LEPR: variants seen among roughly 807,000 people sequenced by gnomAD.
The protein encoded by LEPR is OB receptor.
LEPR carries 56 observed loss-of-function variants against 114.7 expected under a neutral mutation model. That is an observed-to-expected ratio of 0.49 (90% CI 0.39 to 0.61). The LOEUF is 0.61. Among genes scored for constraint, LEPR ranks in the 20% least tolerant of loss-of-function variants. LEPR has a pLI of 0.00. For synonymous variants in LEPR, 443 were observed against 461.4 expected, an observed-to-expected ratio of 0.96 and a Z score of 0.51; for missense variants, 1,202 against 1,352.9, an observed-to-expected ratio of 0.89 and a Z score of 1.75.
intron 14 of LEPR, among the ~76,000 whole-genome samples, chr1:65,612,334 T>G (rs868147332): frequency 1.3e-5 from 2 of 152,358 alleles, no homozygotes; most frequent in Middle Eastern, 3.4e-3. Flanking sequence ...TATGATACAT[T>G]TGTTACAATG....
intron 2 of LEPR, among the ~76,000 whole-genome samples, chr1:65,452,738 C>A (rs1277173230): frequency 1.1e-4 from 17 of 151,526 alleles, no homozygotes; most frequent in Middle Eastern, 3.4e-3. Flanking sequence ...GTCTAAAATT[C>A]TCTTTTTTTG....
At chr1:65,433,109 G>A in intron 2 of LEPR, 1 of 985,364 alleles carries the variant, frequency 1.0e-6, no homozygotes, top group Non-Finnish European at 1.2e-6. Flanking sequence ...AGAACAGATA[G>A]GTAACTCTTT....
rs1268874745 is a variant in LEPR, at chr1:65,633,200, A to C, written c.2674-2991A>C. ...AATCATGATCACTACAGATGAACCC[A>C]ATGTGCCAACTTCCCAACAGTCTAT... On this transcript the variant is annotated intron_variant, in intron 19 of 19. Coordinates refer to ENST00000349533, the MANE Select transcript of LEPR (RefSeq NM_002303.6). This position sits in a 1 kb window ranked among gnomAD's most constrained non-coding sequence, Gnocchi z 4.1. 1 of 1,609,928 alleles carries C rather than the reference A, an allele frequency of 6.2e-7. No homozygotes were observed. Among genetic ancestry groups the C allele is most frequent in the Middle Eastern group, 1.7e-4 (1 of 6,050 alleles).
At position 65,626,880 on chromosome 1, in the gene LEPR, C is replaced by T. The variant is rs574508508; in HGVS notation, c.2673+3899C>T. Among the ~76,000 whole-genome samples the T allele has an allele frequency of 3.3e-5, 5 of 152,206 alleles. No homozygotes were observed. In the South Asian group the frequency reaches 1.0e-3, roughly 32 times the overall value. On this transcript the variant is annotated intron_variant, in intron 19 of 19. Transcript: ENST00000349533. ...GAACTCCCAGGCTCAAGTGATCCAC[C>T]CACCTCAGCCTCCCAAAATGCTGGA...
At chr1:65,451,909 A>G (rs911190131) in intron 2 of LEPR, among the ~76,000 whole-genome samples, 4 of 151,808 alleles carry the variant, frequency 2.6e-5, no homozygotes, top group African/African-American at 9.7e-5. Context: ...CCTACCCATG[A>G]GCATGGAATG....
intron 5 of LEPR, among the ~76,000 whole-genome samples, chr1:65,581,063 A>G (rs988359765): frequency 3.3e-5 from 5 of 152,168 alleles, no homozygotes; most frequent in African/African-American, 1.2e-4. Flanking sequence ...TCCTGCCAGC[A>G]TTCTTGATGA....
chr1:65,461,421 C>G (rs1028175936), intron 2 of LEPR, among the ~76,000 whole-genome samples: 24 of 152,142 alleles, frequency 1.6e-4, no homozygotes, highest in African/African-American at 5.3e-4. Flanking sequence ...AAAAAAATCA[C>G]ACAACGATGG....
At chr1:65,488,695 A>G (rs1647707745) in intron 2 of LEPR, among the ~76,000 whole-genome samples, 1 of 151,922 alleles carries the variant, frequency 6.6e-6, no homozygotes, top group African/African-American at 2.4e-5. Context: ...ACCAAATACT[A>G]GATCTTATTC....
chr1:65,421,395 T>G, intron 1 of LEPR: 1 of 1,536,112 alleles, frequency 6.5e-7, no homozygotes, highest in South Asian at 1.2e-5. Flanking sequence ...ACCGCGTCCC[T>G]TATCTGTATG....
chr1:65,537,813 G>A (rs1455826457), intron 2 of LEPR, among the ~76,000 whole-genome samples: 1 of 152,102 alleles, frequency 6.6e-6, no homozygotes, highest in African/African-American at 2.4e-5. Flanking sequence ...CCTAAAAGTT[G>A]AAAAATTAAT....
intron 2 of LEPR, among the ~76,000 whole-genome samples, chr1:65,533,275 T>A (rs2100629529): frequency 6.6e-6 from 1 of 152,280 alleles, no homozygotes; most frequent in East Asian, 1.9e-4. Context: ...TTCCTTTTCA[T>A]TGTTATAGAC....
At chr1:65,572,835 C>A (rs1654299242) in intron 5 of LEPR, among the ~76,000 whole-genome samples, 1 of 152,220 alleles carries the variant, frequency 6.6e-6, no homozygotes, top group Non-Finnish European at 1.5e-5. Flanking sequence ...CTAGGTCTCT[C>A]ATTAGCAGCT....
At position 65,637,396 on chromosome 1, in the gene LEPR, T is replaced by C. The variant is rs1223948873; in HGVS notation, c.*381T>C. 1.1e-5 allele frequency: 2 copies of C among 179,584 alleles called. No individual in the cohort carries two copies. The highest frequency in any genetic ancestry group is 2.8e-4 in the East Asian group (2 of 7,034). 11.1% of individuals were successfully genotyped at this position (179,584 alleles called of 1,614,324 possible). A position where few individuals can be genotyped will look rare whatever the true frequency, so the allele number is the denominator to read the frequency against. The stretch of plus-strand genomic sequence containing the variant: ...CACACACATTCTTAACACATGTCCT[T>C]GTGTGTTTTGAGAGTATATTATGTA... On this transcript the variant is annotated 3_prime_UTR_variant, in exon 20 of 20. Transcript: ENST00000349533.
Position 65,618,091 on chromosome 1 carries a change from T to C in LEPR, c.2340T>C (p.Asp780=), listed in dbSNP as rs746039214. 6 of 1,611,474 alleles carry C rather than the reference T, an allele frequency of 3.7e-6. No homozygotes were observed. The highest frequency in any genetic ancestry group is 5.1e-6 in the Non-Finnish European group (6 of 1,178,894). The change falls in exon 16 of 20, where the codon GAT becomes GAC. Residue 780 remains aspartate (D), a synonymous_variant. Transcript: ENST00000349533. ...FIIEWKNLNE[D]GEIKWLRISS... is the part of the protein sequence containing the mutation. ...TTGAGTGGAAAAATCTTAATGAAGA[T>C]GGTGAAATAAAATGGCTTAGAATCT...
At position 65,608,809 on chromosome 1, in the gene LEPR, T is replaced by C; in HGVS notation, c.1660T>C (p.Leu554=). ...AGAAATTACTATAAACATTGGATTA[T>C]TGAAAATATCTTGGGAAAAGCCAGT... ...KAEITINIGL[L]KISWEKPVFP... Residue 554 remains leucine (L), a synonymous_variant, in exon 12 of 20, where the codon TTG becomes CTG. Transcript: ENST00000349533. 1.9e-6 allele frequency: 3 copies of C among 1,613,802 alleles called. No individual in the cohort carries two copies. The highest frequency in any genetic ancestry group is 2.2e-5 in the South Asian group (2 of 91,038).
intron 2 of LEPR, among the ~76,000 whole-genome samples, chr1:65,472,445 C>CACAT (rs1491551499): frequency 7.6e-6 from 1 of 131,794 alleles, no homozygotes; most frequent in East Asian, 2.1e-4. Context: ...CACACACACA[C>CACAT]GTGTGTATAT....
intron 2 of LEPR, among the ~76,000 whole-genome samples, chr1:65,446,336 A>T (rs1249926219): frequency 6.6e-6 from 1 of 152,182 alleles, no homozygotes; most frequent in African/African-American, 2.4e-5. Flanking sequence ...TAGGGTAATG[A>T]CATTGCCATG....
rs17097193 is a variant in LEPR at position 65,601,713 on chromosome 1, T to C, written c.1285+31T>C. 56,494 of 1,612,970 alleles carry C rather than the reference T, an allele frequency of 0.035. 1,486 individuals carry two copies. Among genetic ancestry groups the C allele is most frequent in the African/African-American group, 0.13 (9,568 of 74,982 alleles). Reference sequence around the variant, plus strand: ...AAAACAGAGGTTTTGTTCATTTTGTTCCACAACTTGAATTTTCATTATGGA... The same window carrying C: ...AAAACAGAGGTTTTGTTCATTTTGTCCCACAACTTGAATTTTCATTATGGA... On this transcript the variant is annotated intron_variant, in intron 9 of 19. Transcript: ENST00000349533.
At chr1:65,539,663 T>A (rs765474872) in intron 2 of LEPR, among the ~76,000 whole-genome samples, 1 of 152,238 alleles carries the variant, frequency 6.6e-6, no homozygotes, top group Non-Finnish European at 1.5e-5. Flanking sequence ...TTGCTCGTGT[T>A]TGAGGAATTT....
Sources: gnomAD v4.1 joint callset for allele counts (sites outside exome capture counted in the v4.1 genomes callset) on GRCh38, gnomAD v4.1.1 for gene constraint, Gnocchi (gnomAD v3.1) non-coding constraint, MANE v1.5 for transcripts, NCBI Gene and HGNC (gene_info 2026-07-23, HGNC 2026-07-21) for gene names.